The following SOX5 variants were observed in gnomAD, a reference collection of about 807,000 sequenced individuals.
SOX5 encodes transcription factor SOX-5.
Under a neutral mutation model 92.0 loss-of-function variants are expected in SOX5, and 9 were observed. The observed-to-expected ratio is 0.10, with a 90% CI of 0.06 to 0.17. The LOEUF (loss-of-function observed/expected upper bound fraction) is 0.17, where lower values mean the gene tolerates loss of function less well. Among genes scored for constraint, SOX5 ranks in the 10% least tolerant of loss-of-function variants. The probability of loss-of-function intolerance (pLI) is 1.00; values close to 1 mark genes in which losing one functional copy is unlikely to be tolerated. For synonymous variants in SOX5, 344 were observed against 336.3 expected, an observed-to-expected ratio of 1.02 and a Z score of -0.25; for missense variants, 642 against 944.5, an observed-to-expected ratio of 0.68 and a Z score of 4.20.
chr12:23,640,365 G>T (rs566505854), intron 8 of SOX5, among the ~76,000 whole-genome samples: 49 of 152,258 alleles, frequency 3.2e-4, no homozygotes, highest in African/African-American at 1.2e-3. Flanking sequence ...GCCCAACTCA[G>T]CTGGTATTAG....
At chr12:24,215,170 C>A (rs1011609167) in intron 3 of SOX5, among the ~76,000 whole-genome samples, 2 of 152,094 alleles carry the variant, frequency 1.3e-5, no homozygotes, top group Admixed American at 6.5e-5. Flanking sequence ...AAAACATTAA[C>A]TGTTTTCTCC....
At chr12:24,395,160 A>G (rs1461062567) in intron 1 of SOX5, among the ~76,000 whole-genome samples, 2 of 152,280 alleles carry the variant, frequency 1.3e-5, no homozygotes, top group East Asian at 3.9e-4. Context: ...AACTTTACCT[A>G]AAATGTCCTA....
At chr12:24,003,769 G>T (rs549073938) in intron 4 of SOX5, among the ~76,000 whole-genome samples, 2,248 of 148,026 alleles carry the variant, frequency 0.015, 56 homozygotes, top group African/African-American at 0.052. Flanking sequence ...ATGCCAGCAG[G>T]TTTTTTTTTT....
chr12:23,820,910 T>C (rs1328665259), intron 3 of SOX5, among the ~76,000 whole-genome samples: 1 of 152,206 alleles, frequency 6.6e-6, no homozygotes, highest in Non-Finnish European at 1.5e-5. Context: ...ATATGGGCTC[T>C]TTTTGAGTTC....
At chr12:23,679,156 A>C (rs1000941503) in intron 6 of SOX5, among the ~76,000 whole-genome samples, 5 of 152,146 alleles carry the variant, frequency 3.3e-5, no homozygotes, top group East Asian at 1.9e-4. Flanking sequence ...GAGGTAGGAG[A>C]AAGAGAAATC....
chr12:24,114,877 A>G (rs1177271829), intron 4 of SOX5, among the ~76,000 whole-genome samples: 1 of 152,108 alleles, frequency 6.6e-6, no homozygotes, highest in African/African-American at 2.4e-5. Context: ...TCAAGACTGC[A>G]GTAAGCTATG....
At chr12:24,188,078 A>G (rs1956188470) in intron 4 of SOX5, among the ~76,000 whole-genome samples, 1 of 152,310 alleles carries the variant, frequency 6.6e-6, no homozygotes. Flanking sequence ...GGGAAGTTTT[A>G]TTGGATTGCT....
At chr12:23,903,730 G>A (rs2097261727) in intron 1 of SOX5, among the ~76,000 whole-genome samples, 1 of 152,174 alleles carries the variant, frequency 6.6e-6, no homozygotes, top group South Asian at 2.1e-4. Flanking sequence ...TTTTCGAGTA[G>A]CAAGACTATT....
At chr12:24,325,797 G>A (rs1042484566) in intron 2 of SOX5, among the ~76,000 whole-genome samples, 1 of 152,084 alleles carries the variant, frequency 6.6e-6, no homozygotes, top group African/African-American at 2.4e-5. Context: ...TCCCAACTGG[G>A]GGCAATAAAG....
chr12:23,956,860 C>T (rs552485945), intron 4 of SOX5, among the ~76,000 whole-genome samples: 3 of 152,034 alleles, frequency 2.0e-5, no homozygotes, highest in Non-Finnish European at 2.9e-5. Flanking sequence ...TAATGTTTGT[C>T]TCCATGTTGG....
intron 6 of SOX5, among the ~76,000 whole-genome samples, chr12:23,700,175 C>T (rs910237899): frequency 1.3e-5 from 2 of 151,994 alleles, no homozygotes; most frequent in African/African-American, 4.8e-5. Context: ...AAATTTAATA[C>T]GAGTGGAATT....
Position 23,832,727 on chromosome 12 carries a change from T to C in SOX5, c.481+13256A>G, listed in dbSNP as rs187150000. 2.1e-4 allele frequency among the ~76,000 whole-genome samples: 32 copies of C among 151,712 alleles called. No individual in the cohort carries two copies. The East Asian group carries it at 4.1e-3, about 19-fold the overall frequency. On this transcript the variant is annotated intron_variant, in intron 3 of 14. Transcript: ENST00000451604. ...ATTTATTATATTAATACAATTATTA[T>C]AGCAAATTAAAGGCAAGTAAATATA...
intron 4 of SOX5, among the ~76,000 whole-genome samples, chr12:24,028,295 G>A (rs1339429869): frequency 6.6e-6 from 1 of 151,996 alleles, no homozygotes; most frequent in East Asian, 1.9e-4. Context: ...TCCCAGCACA[G>A]CACAGTGCCT....
chr12:23,818,913 A>C (rs1381706263), intron 3 of SOX5, among the ~76,000 whole-genome samples: 3 of 152,316 alleles, frequency 2.0e-5, no homozygotes, highest in Non-Finnish European at 2.9e-5. Flanking sequence ...TCTCACTGGA[A>C]GGTCTTCAGG....
intron 4 of SOX5, among the ~76,000 whole-genome samples, chr12:24,156,144 G>A (rs900826067): frequency 1.1e-4 from 17 of 152,040 alleles, no homozygotes; most frequent in African/African-American, 2.7e-4. Context: ...CCTGGGAGTC[G>A]GTGTTTCATC....
chr12:24,084,458 T>C (rs1469951018), intron 4 of SOX5, among the ~76,000 whole-genome samples: 2 of 152,102 alleles, frequency 1.3e-5, no homozygotes, highest in Non-Finnish European at 1.5e-5. Context: ...AGATTCCTGA[T>C]TCTTTATTTT....
chr12:23,964,109 A>G (rs1452777426), intron 4 of SOX5, among the ~76,000 whole-genome samples: 1 of 152,156 alleles, frequency 6.6e-6, no homozygotes, highest in Non-Finnish European at 1.5e-5. Context: ...TCTTCATAGT[A>G]TAGTTTGATA....
intron 4 of SOX5, among the ~76,000 whole-genome samples, chr12:24,177,352 C>T (rs1353663460): frequency 6.6e-6 from 1 of 152,140 alleles, no homozygotes. Context: ...ATTTCTATGT[C>T]TCATCTAGAA....
chr12:23,907,628 G>A (rs535440695), intron 1 of SOX5, among the ~76,000 whole-genome samples: 23 of 151,750 alleles, frequency 1.5e-4, no homozygotes, highest in Middle Eastern at 3.4e-3. Flanking sequence ...TCACAAATGC[G>A]TATATATGGG....
Sources: gnomAD v4.1 joint callset for allele counts (sites outside exome capture counted in the v4.1 genomes callset) on GRCh38, gnomAD v4.1.1 for gene constraint, MANE v1.5 for transcripts, NCBI Gene and HGNC (gene_info 2026-07-23, HGNC 2026-07-21) for gene names.